HPSE2: variants seen among roughly 807,000 people sequenced by gnomAD.
HPSE2 encodes heparanase 2 (inactive).
In HPSE2, 38 loss-of-function variants were observed where a neutral mutation model predicts 60.5. That is an observed-to-expected ratio of 0.63 (90% CI 0.48 to 0.82). HPSE2 has a LOEUF of 0.82. Among genes scored for constraint, HPSE2 ranks in the 40% least tolerant of loss-of-function variants. HPSE2 has a pLI of 0.00. For synonymous variants in HPSE2, 295 were observed against 293.2 expected, an observed-to-expected ratio of 1.01 and a Z score of -0.06; for missense variants, 713 against 740.4, an observed-to-expected ratio of 0.96 and a Z score of 0.43.
chr10:99,074,470 A>C (rs973890522), intron 3 of HPSE2, among the ~76,000 whole-genome samples: 1 of 152,108 alleles, frequency 6.6e-6, no homozygotes, highest in African/African-American at 2.4e-5. Flanking sequence ...TATTTTGTTA[A>C]GGATTTTTGC....
At chr10:98,664,716 A>C (rs1294843908) in intron 6 of HPSE2, among the ~76,000 whole-genome samples, 1 of 152,192 alleles carries the variant, frequency 6.6e-6, no homozygotes, top group Non-Finnish European at 1.5e-5. Context: ...TGTGAAACCT[A>C]AGGCAAAAAT....
chr10:98,764,651 C>T lies in HPSE2; in HGVS notation c.611-20595G>A, dbSNP rs183181912. Among the ~76,000 whole-genome samples the T allele has an allele frequency of 6.8e-3, 1,041 of 152,162 alleles. 10 individuals carry two copies. Among genetic ancestry groups the T allele is most frequent in the Non-Finnish European group, 9.7e-3 (657 of 67,988 alleles). ...GGCAGATCACTTGAGGTCAGAAGTT[C>T]GAGACCAGCCAGACCAACATGGTGA... On this transcript the variant is annotated intron_variant, in intron 3 of 11. Transcript: ENST00000370552.
intron 3 of HPSE2, among the ~76,000 whole-genome samples, chr10:98,763,854 G>A (rs996026195): frequency 2.6e-5 from 4 of 151,564 alleles, no homozygotes; most frequent in African/African-American, 4.8e-5. Flanking sequence ...AGTCCTTTAG[G>A]CTAAACAGAA....
At chr10:98,855,510 GGA>G (rs1952291864) in intron 3 of HPSE2, among the ~76,000 whole-genome samples, 1 of 151,862 alleles carries the variant, frequency 6.6e-6, no homozygotes, top group African/African-American at 2.4e-5. Context: ...TGCTCCTAGG[GGA>G]CAGGAAATAT....
chr10:99,108,153 T>C (rs1844319618), intron 3 of HPSE2, among the ~76,000 whole-genome samples: 1 of 152,188 alleles, frequency 6.6e-6, no homozygotes, highest in African/African-American at 2.4e-5. Flanking sequence ...GATACTGTTA[T>C]TTTGAGCTAC....
At position 99,116,863 on chromosome 10, in the gene HPSE2, T is replaced by A. The variant is rs184307935; in HGVS notation, c.610+27375A>T. ...CTTGCCACCTAGAATGCAGGCAGGT[T>A]ATATGGCTCAGGAACTGAAAGTACA... is the stretch of plus-strand genomic sequence containing the variant. On this transcript the variant is annotated intron_variant, in intron 3 of 11. Coordinates refer to ENST00000370552, the MANE Select transcript of HPSE2 (RefSeq NM_021828.5). Among the ~76,000 whole-genome samples the A allele has an allele frequency of 9.2e-5, 14 of 152,186 alleles. No individual in the cohort carries two copies. The East Asian group carries it at 2.7e-3, about 29-fold the overall frequency.
intron 9 of HPSE2, among the ~76,000 whole-genome samples, chr10:98,552,066 A>T (rs1002304083): frequency 3.9e-5 from 6 of 152,186 alleles, no homozygotes; most frequent in Non-Finnish European, 8.8e-5. Context: ...GATAAGTTGG[A>T]TGTGGTGGAT....
chr10:99,179,895 A>G (rs1564872974), intron 2 of HPSE2, among the ~76,000 whole-genome samples: 1 of 152,222 alleles, frequency 6.6e-6, no homozygotes, highest in East Asian at 1.9e-4. Context: ...ACAGCATGGT[A>G]CTGATATCAA....
chr10:98,716,457 A>G (rs2134234862), intron 5 of HPSE2, among the ~76,000 whole-genome samples: 1 of 151,286 alleles, frequency 6.6e-6, no homozygotes, highest in African/African-American at 2.4e-5. Flanking sequence ...AAATAAATAA[A>G]TAAATAAATT....
At chr10:98,994,968 T>C (rs80240449) in intron 3 of HPSE2, among the ~76,000 whole-genome samples, 12,813 of 152,252 alleles carry the variant, frequency 0.084, 656 homozygotes, top group South Asian at 0.19. Context: ...AGTGGGTCTA[T>C]GGTTTCTCAT....
the HPSE2 span, among the ~76,000 whole-genome samples, chr10:99,268,675 C>T: frequency 6.7e-6 from 1 of 149,994 alleles, no homozygotes. Flanking sequence ...ATAAATCTCT[C>T]AGGACCTACA....
chr10:99,106,091 G>C (rs1300925575), intron 3 of HPSE2, among the ~76,000 whole-genome samples: 2 of 151,870 alleles, frequency 1.3e-5, no homozygotes, highest in Non-Finnish European at 2.9e-5. Flanking sequence ...GGTTATTCTA[G>C]ATCCTTTGCA....
At chr10:98,525,833 T>C (rs1942949750) in intron 9 of HPSE2, among the ~76,000 whole-genome samples, 2 of 152,330 alleles carry the variant, frequency 1.3e-5, no homozygotes, top group South Asian at 4.1e-4. Flanking sequence ...GGCAGCAAAG[T>C]AAAGTATTAT....
chr10:99,132,906 A>C (rs1021104203), intron 3 of HPSE2, among the ~76,000 whole-genome samples: 1 of 152,136 alleles, frequency 6.6e-6, no homozygotes, highest in South Asian at 2.1e-4. Flanking sequence ...ACTCCCCTGG[A>C]AAGGGGTGCT....
intron 3 of HPSE2, among the ~76,000 whole-genome samples, chr10:98,962,201 G>A (rs1589433160): frequency 2.6e-5 from 2 of 77,226 alleles, no homozygotes; most frequent in East Asian, 3.6e-4. Flanking sequence ...TGTTCTTTTG[G>A]CTTAGGATTG....
At chr10:99,021,615 G>C (rs996147837) in intron 3 of HPSE2, among the ~76,000 whole-genome samples, 30 of 152,180 alleles carry the variant, frequency 2.0e-4, no homozygotes, top group African/African-American at 7.0e-4. Flanking sequence ...AGAAGACAAA[G>C]TAAGGTGTTT....
At chr10:99,262,011 C>T in the HPSE2 span, among the ~76,000 whole-genome samples, 18 of 152,294 alleles carry the variant, frequency 1.2e-4, no homozygotes, top group South Asian at 4.1e-4. Flanking sequence ...AACTCTGGCC[C>T]GAGGCTCTCT....
the HPSE2 span, among the ~76,000 whole-genome samples, chr10:99,298,290 T>A: frequency 3.5e-3 from 527 of 152,364 alleles, 18 homozygotes; most frequent in East Asian, 0.088. Flanking sequence ...AACTGCCCAT[T>A]TGAAGCTTGT....
At chr10:99,059,125 C>T (rs927756300) in intron 3 of HPSE2, among the ~76,000 whole-genome samples, 3 of 152,118 alleles carry the variant, frequency 2.0e-5, no homozygotes, top group African/African-American at 7.2e-5. Context: ...TAAAACCATT[C>T]TCAGTTTGCA....
Sources: allele counts gnomAD v4.1 joint callset (sites outside exome capture counted in the v4.1 genomes callset), GRCh38; gene constraint gnomAD v4.1.1; transcripts MANE v1.5; gene names NCBI Gene and HGNC (gene_info 2026-07-23, HGNC 2026-07-21).